Variants in ADCY8 observed in about 807,000 individuals in gnomAD.
The protein encoded by ADCY8 is adenylate cyclase 8.
Under a neutral mutation model 119.7 loss-of-function variants are expected in ADCY8, and 51 were observed. The ratio of observed to expected loss-of-function variants is 0.43; its 90% CI spans 0.34 to 0.54. The LOEUF is 0.54. ADCY8 is among the 20% of genes least tolerant of loss of function. The pLI is 0.03. For synonymous variants in ADCY8, 665 were observed against 651.0 expected (o/e 1.02, Z -0.33); for missense variants, 1,383 against 1,598.8 (o/e 0.87, Z 2.30).
chr8:130,901,159 C>T (rs1316414009), intron 7 of ADCY8, among the ~76,000 whole-genome samples: 8 of 151,234 alleles, frequency 5.3e-5, no homozygotes, highest in African/African-American at 9.7e-5. Flanking sequence ...GTAAGTGAAA[C>T]GGATATAATT....
chr8:130,841,937 C>T lies in ADCY8; in HGVS notation c.2502+5487G>A, dbSNP rs574252782. ...CTGCTTCTTCTGAGACCAGCCTAGA[C>T]TCTGCAGAATGTCGAGCAAGGAGGG... On this transcript the variant is annotated intron_variant, in intron 11 of 17. Coordinates refer to ENST00000286355, the MANE Select transcript of ADCY8 (RefSeq NM_001115.3). Among the ~76,000 whole-genome samples, 101 of 152,322 alleles carry T rather than the reference C, an allele frequency of 6.6e-4. 1 individual carries two copies. Among genetic ancestry groups the T allele is most frequent in the African/African-American group, 2.4e-3 (100 of 41,584 alleles).
intron 11 of ADCY8, among the ~76,000 whole-genome samples, chr8:130,837,928 A>T (rs1817037477): frequency 6.6e-6 from 1 of 152,194 alleles, no homozygotes; most frequent in South Asian, 2.1e-4. Context: ...CCAGGATATA[A>T]CCAATTCACG....
chr8:130,873,169 A>AGG (rs1340090085), intron 8 of ADCY8, among the ~76,000 whole-genome samples: 2 of 152,156 alleles, frequency 1.3e-5, no homozygotes, highest in Non-Finnish European at 2.9e-5. Flanking sequence ...TTCCTAGGTG[A>AGG]GGGGGAGGAA....
At chr8:130,816,427 CT>C (rs59803292) in intron 13 of ADCY8, among the ~76,000 whole-genome samples, 40 of 121,168 alleles carry the variant, frequency 3.3e-4, no homozygotes, top group Non-Finnish European at 4.8e-4. Context: ...ATTTTTTTTT[CT>C]TTTTTTTTTT....
intron 7 of ADCY8, among the ~76,000 whole-genome samples, chr8:130,899,624 G>T (rs931357890): frequency 6.6e-6 from 1 of 151,436 alleles, no homozygotes; most frequent in Non-Finnish European, 1.5e-5. Context: ...AAAAAAAGGA[G>T]AAAAGAAAAG....
chr8:130,806,155 G>A (rs1815950373), intron 14 of ADCY8, among the ~76,000 whole-genome samples: 1 of 152,170 alleles, frequency 6.6e-6, no homozygotes, highest in South Asian at 2.1e-4. Flanking sequence ...CAAGTGAGGT[G>A]ACTCCTCTGA....
At chr8:130,855,502 A>G in intron 9 of ADCY8, among the ~76,000 whole-genome samples, 1 of 152,068 alleles carries the variant, frequency 6.6e-6, no homozygotes, top group East Asian at 1.9e-4. Context: ...CCTTATGACT[A>G]GCTGCTGGGT....
In ADCY8 at chr8:130,951,786, C is replaced by T. The variant is rs7460024; in HGVS notation, c.1241+82G>A. 0.021 allele frequency: 32,514 copies of T among 1,544,712 alleles called. 5,494 individuals are homozygous for T. The African/African-American group carries it at 0.38, about 18-fold the overall frequency. ...GGAAAGGTGCTGACATTCAAGCAGA[C>T]GGAAGTCACGGAAGTGCAATGAGAG... is the stretch of plus-strand genomic sequence containing the variant. On this transcript the variant is annotated intron_variant, in intron 3 of 17. Transcript: ENST00000286355.
intron 16 of ADCY8, 22 bp downstream of exon 16, chr8:130,785,361 C>T: frequency 2.6e-6 from 4 of 1,566,044 alleles, no homozygotes; most frequent in Non-Finnish European, 3.5e-6. Context: ...TGCATTGTGG[C>T]TGAGTCCAAA....
intron 5 of ADCY8, among the ~76,000 whole-genome samples, chr8:130,919,103 G>C (rs972498003): frequency 6.6e-6 from 1 of 152,148 alleles, no homozygotes; most frequent in Admixed American, 6.5e-5. Flanking sequence ...TGTTCCATGA[G>C]AGAAGTCTCT....
At chr8:131,006,319 C>A (rs548704748) in intron 1 of ADCY8, among the ~76,000 whole-genome samples, 2 of 152,162 alleles carry the variant, frequency 1.3e-5, no homozygotes, top group African/African-American at 4.8e-5. Flanking sequence ...GTTGACAGGA[C>A]GCTCCTGTGG....
At chr8:130,837,853 C>T (rs534185033) in intron 11 of ADCY8, among the ~76,000 whole-genome samples, 1 of 152,276 alleles carries the variant, frequency 6.6e-6, no homozygotes, top group African/African-American at 2.4e-5. Flanking sequence ...GGTTAAGAAA[C>T]TGAGGTTCAT....
chr8:130,805,873 C>T (rs1165712889), intron 14 of ADCY8, among the ~76,000 whole-genome samples: 3 of 152,150 alleles, frequency 2.0e-5, no homozygotes, highest in Admixed American at 6.5e-5. Context: ...GTGGGTTCAC[C>T]TTGGGCACAA....
rs541479886 is a variant in ADCY8, at chr8:131,007,507, C to T, written c.961-16965G>A. Among the ~76,000 whole-genome samples, 138 of 152,190 alleles carry T rather than the reference C, an allele frequency of 9.1e-4. 1 individual carries two copies. The highest frequency in any genetic ancestry group is 9.6e-4 in the Non-Finnish European group (65 of 68,000). Reference sequence around the variant, plus strand: ...CACTGCACAAGACAATATTCTCTCCCCCACCAAAAAAATTATCTAGCTCTA... The same window carrying T: ...CACTGCACAAGACAATATTCTCTCCTCCACCAAAAAAATTATCTAGCTCTA... On this transcript the variant is annotated intron_variant, in intron 1 of 17. Coordinates refer to ENST00000286355, the MANE Select transcript of ADCY8 (RefSeq NM_001115.3).
chr8:130,993,093 T>C (rs961244468), intron 1 of ADCY8, among the ~76,000 whole-genome samples: 3 of 152,154 alleles, frequency 2.0e-5, no homozygotes, highest in Admixed American at 6.5e-5. Context: ...ATTTGTAAAA[T>C]ATAGTCCTAA....
chr8:130,796,390 G>A (rs981182658), intron 15 of ADCY8, among the ~76,000 whole-genome samples: 1 of 152,196 alleles, frequency 6.6e-6, no homozygotes, highest in East Asian at 1.9e-4. Flanking sequence ...TGTGGGATGA[G>A]GAGCCCTTGA....
At chr8:130,854,915 T>TCCCCCTTTTCTTC (rs1817670510) in intron 9 of ADCY8, among the ~76,000 whole-genome samples, 3 of 131,732 alleles carry the variant, frequency 2.3e-5, no homozygotes, top group South Asian at 2.9e-4. Context: ...CCCTTTTCTT[T>TCCCCCTTTTCTTC]TCCCCCTTTC....
intron 2 of ADCY8, among the ~76,000 whole-genome samples, chr8:130,987,378 G>A (rs1018122369): frequency 6.6e-6 from 1 of 152,126 alleles, no homozygotes; most frequent in Non-Finnish European, 1.5e-5. Flanking sequence ...GCCAGGATCT[G>A]ATTGCTAGTC....
At chr8:130,883,989 C>T (rs1818879843) in intron 8 of ADCY8, among the ~76,000 whole-genome samples, 1 of 152,170 alleles carries the variant, frequency 6.6e-6, no homozygotes, top group Admixed American at 6.5e-5. Flanking sequence ...CTTTACTTAT[C>T]TAAGTTCACA....
Sources: allele counts gnomAD v4.1 joint callset (sites outside exome capture counted in the v4.1 genomes callset), GRCh38; gene constraint gnomAD v4.1.1; transcripts MANE v1.5; gene names NCBI Gene and HGNC (gene_info 2026-07-23, HGNC 2026-07-21).